Variants in CHKA observed in about 807,000 individuals in gnomAD.
CHKA encodes CHETK-alpha.
A neutral mutation model predicts 60.1 loss-of-function variants in CHKA; 34 were observed. The observed-to-expected ratio is 0.57, with a 90% CI of 0.43 to 0.75. The LOEUF (loss-of-function observed/expected upper bound fraction) is 0.75. Among genes scored for constraint, CHKA ranks in the 30% least tolerant of loss-of-function variants. CHKA has a pLI of 0.00. For synonymous variants in CHKA, 217 were observed against 223.1 expected (o/e 0.97, Z 0.24); for missense variants, 563 against 561.3 (o/e 1.00, Z -0.03).
chr11:68,055,043 G>A (rs762489039), intron 11 of CHKA, among the ~76,000 whole-genome samples: 11 of 152,122 alleles, frequency 7.2e-5, no homozygotes, highest in South Asian at 2.1e-4. Context: ...TGGCACTGTC[G>A]TATCCACACA....
At position 68,053,116 on chromosome 11, in the gene CHKA, A is replaced by C. The variant is rs1033888762; in HGVS notation, c.*872T>G. 2.6e-5 allele frequency: 4 copies of C among 152,316 alleles called. No homozygotes were observed. The highest frequency in any genetic ancestry group is 9.7e-5 in the African/African-American group (4 of 41,352). 9.4% of individuals were successfully genotyped at this position (152,316 alleles called of 1,614,324 possible). On this transcript the variant is annotated 3_prime_UTR_variant, in exon 12 of 12. Coordinates refer to ENST00000265689, the MANE Select transcript of CHKA (RefSeq NM_001277.3). Reference sequence around the variant, plus strand: ...GGCCGGGAAACCGGGCCCTTGGAGAACCCTGCCCAGGGGAGGCCCAGCCTA... The same window carrying C: ...GGCCGGGAAACCGGGCCCTTGGAGACCCCTGCCCAGGGGAGGCCCAGCCTA...
chr11:68,121,139 G>C lies in CHKA; in HGVS notation c.39C>G (p.Pro13=). 8.3e-7 allele frequency: 1 copy of C among 1,209,788 alleles called. No homozygotes were observed. The highest frequency in any genetic ancestry group is 1.0e-6 in the Non-Finnish European group (1 of 966,384). The allele number at this position is 1,209,788 out of a possible 1,614,324, so 74.9% of individuals were successfully genotyped here. A position where few individuals can be genotyped will look rare whatever the true frequency, so the allele number is the denominator to read the frequency against. ...TKFCTGGEAE[P]SPLGLLLSCG... ...AGCTCAGCAGCAGCCCGAGCGGCGAGGGCTCCGCCTCGCCCCCGGTGCAGA... is the reference window on the plus strand; with the variant it reads ...AGCTCAGCAGCAGCCCGAGCGGCGACGGCTCCGCCTCGCCCCCGGTGCAGA... Residue 13 remains proline, a synonymous_variant, in exon 1 of 12, where the codon CCC becomes CCG. Transcript: ENST00000265689.
At chr11:68,081,366 C>A in intron 3 of CHKA, 38 bp downstream of exon 3, 1 of 1,579,428 alleles carries the variant, frequency 6.3e-7, no homozygotes, top group South Asian at 1.1e-5. Flanking sequence ...AACACTAGTT[C>A]ACATCTCACA....
chr11:68,108,422 A>G (rs1443798526), intron 1 of CHKA, among the ~76,000 whole-genome samples: 1 of 152,248 alleles, frequency 6.6e-6, no homozygotes, highest in Non-Finnish European at 1.5e-5. Flanking sequence ...ACATGTAAAA[A>G]GCTAAATCAA....
chr11:68,075,949 C>T (rs1406461547), intron 3 of CHKA, among the ~76,000 whole-genome samples: 1 of 152,194 alleles, frequency 6.6e-6, no homozygotes, highest in Non-Finnish European at 1.5e-5. Context: ...ACCTCTAAAA[C>T]ACATTCACGT....
chr11:68,059,086 G>C (rs908385867), intron 11 of CHKA, among the ~76,000 whole-genome samples: 3 of 152,100 alleles, frequency 2.0e-5, no homozygotes, highest in African/African-American at 7.2e-5. Context: ...GTAGAGACGG[G>C]GTTTCTCCGT....
chr11:68,096,240 A>G (rs1857512676), intron 2 of CHKA, among the ~76,000 whole-genome samples: 1 of 151,564 alleles, frequency 6.6e-6, no homozygotes, highest in Non-Finnish European at 1.5e-5. Context: ...TGGCATGCAT[A>G]ACGTCAGCTA....
intron 1 of CHKA, among the ~76,000 whole-genome samples, chr11:68,108,501 T>G (rs1026523571): frequency 1.3e-5 from 2 of 152,318 alleles, no homozygotes; most frequent in Non-Finnish European, 1.5e-5. Flanking sequence ...TCCCAGCACT[T>G]TGGGAGGCCA....
rs1389918049 is a variant in CHKA, at chr11:68,121,368, G to GGCCGCTGCACTCGCTCCTCTGCC, written c.-192_-191insGGCAGAGGAGCGAGTGCAGCGGC. ...GACTGTGGAGCGGGGATGTGCTGCT[G>GGCCGCTGCACTCGCTCCTCTGCC]GCCGCTGCACTCGCTCCTCTGCCGC... On this transcript the variant is annotated 5_prime_UTR_variant, in exon 1 of 12. Coordinates refer to ENST00000265689, the MANE Select transcript of CHKA (RefSeq NM_001277.3). 4.8e-6 allele frequency: 1 copy of GGCCGCTGCACTCGCTCCTCTGCC among 208,782 alleles called. No individual in the cohort carries two copies. The highest frequency in any genetic ancestry group is 8.5e-6 in the Non-Finnish European group (1 of 117,094). The allele number at this position is 208,782 out of a possible 1,614,324, so 12.9% of individuals were successfully genotyped here.
intron 3 of CHKA, among the ~76,000 whole-genome samples, chr11:68,076,090 C>A (rs1298532892): frequency 6.6e-6 from 1 of 152,192 alleles, no homozygotes; most frequent in Non-Finnish European, 1.5e-5. Flanking sequence ...GTATTTTGGT[C>A]ACTTTTACAT....
At chr11:68,111,404 C>T (rs1174511967) in intron 1 of CHKA, among the ~76,000 whole-genome samples, 2 of 149,462 alleles carry the variant, frequency 1.3e-5, no homozygotes, top group African/African-American at 4.9e-5. Flanking sequence ...AAAAGCCAAA[C>T]TCCATCTCAA....
At chr11:68,112,249 TTTATTTATTTATTTAC>T in intron 1 of CHKA, among the ~76,000 whole-genome samples, 1 of 149,820 alleles carries the variant, frequency 6.7e-6, no homozygotes, top group East Asian at 2.0e-4. Context: ...GGTGATTGCT[TTTATTTATTTATTTAC>T]TTTTTTTGAG....
At chr11:68,054,124 A>G in intron 11 of CHKA, 77 bp from the exon 12 acceptor site, 1 of 1,264,214 alleles carries the variant, frequency 7.9e-7, no homozygotes, top group South Asian at 1.3e-5. Flanking sequence ...CCCAATCCCC[A>G]CCCCAGGCAA....
In CHKA at chr11:68,073,744, C is replaced by A. The variant is rs115970998; in HGVS notation, c.630+973G>T. On this transcript the variant is annotated intron_variant, in intron 4 of 11. Coordinates refer to ENST00000265689, the MANE Select transcript of CHKA (RefSeq NM_001277.3). ...TCCCCAGCCAGACGCAGCAGAGCAC[C>A]CCTCTGCCAGGCATCCTAGTGCTGG... Among the ~76,000 whole-genome samples the A allele has an allele frequency of 8.3e-3, 1,269 of 152,280 alleles. 16 individuals are homozygous for A. Among genetic ancestry groups the A allele is most frequent in the African/African-American group, 0.029 (1,191 of 41,546 alleles).
At chr11:68,065,030 G>A (rs146760101) in intron 9 of CHKA, among the ~76,000 whole-genome samples, 2,694 of 152,284 alleles carry the variant, frequency 0.018, 37 homozygotes, top group Non-Finnish European at 0.03. Flanking sequence ...ATTCCCATGA[G>A]AACTGATTCT....
intron 1 of CHKA, among the ~76,000 whole-genome samples, chr11:68,108,056 C>T (rs907151856): frequency 3.3e-5 from 5 of 152,128 alleles, no homozygotes; most frequent in Non-Finnish European, 5.9e-5. Flanking sequence ...GACAGGCTGA[C>T]GGGGCTCCAC....
intron 3 of CHKA, among the ~76,000 whole-genome samples, chr11:68,080,011 C>T (rs73505268): frequency 0.021 from 3,177 of 152,262 alleles, 103 homozygotes; most frequent in African/African-American, 0.072. Flanking sequence ...GGGTGGGGGT[C>T]ATGTCAAATG....
intron 1 of CHKA, among the ~76,000 whole-genome samples, chr11:68,118,130 G>T (rs1168172190): frequency 6.6e-6 from 1 of 152,174 alleles, no homozygotes; most frequent in Non-Finnish European, 1.5e-5. Flanking sequence ...CTGGCACTCA[G>T]TGAAACACGG....
chr11:68,114,150 G>A (rs963311503), intron 1 of CHKA, among the ~76,000 whole-genome samples: 2 of 152,184 alleles, frequency 1.3e-5, no homozygotes, highest in Non-Finnish European at 2.9e-5. Flanking sequence ...CAGCTACTCT[G>A]GAAGACAGTT....
Sources: gnomAD v4.1 joint callset for allele counts (sites outside exome capture counted in the v4.1 genomes callset) on GRCh38, gnomAD v4.1.1 for gene constraint, MANE v1.5 for transcripts, NCBI Gene and HGNC (gene_info 2026-07-23, HGNC 2026-07-21) for gene names.